Variants in CDKL2 observed in about 807,000 individuals in gnomAD.
CDKL2 encodes cyclin dependent kinase like 2.
A neutral mutation model predicts 63.9 loss-of-function variants in CDKL2; 64 were observed. The ratio of observed to expected loss-of-function variants is 1.00; its 90% CI spans 0.82 to 1.23. CDKL2 has a LOEUF of 1.23. CDKL2 is among the 50% of genes most tolerant of loss of function. The probability of loss-of-function intolerance (pLI) is 0.00; values close to 1 mark genes in which losing one functional copy is unlikely to be tolerated. For missense variants in CDKL2, 656 were observed against 668.0 expected (o/e 0.98, Z 0.20); for synonymous variants, 211 against 229.2 (o/e 0.92, Z 0.72).
At chr4:75,585,742 G>A (rs961475531) in intron 12 of CDKL2, among the ~76,000 whole-genome samples, 7 of 152,140 alleles carry the variant, frequency 4.6e-5, no homozygotes, top group Admixed American at 2.0e-4. Flanking sequence ...GCAACAAAGC[G>A]AGACTCTGTC....
rs1560575704 is a variant in CDKL2 at position 75,592,214 on chromosome 4, C to T, written c.1472G>A (p.Arg491Lys). The change falls in exon 11 of 14, where the codon AGG becomes AAG. Residue 491 changes from arginine to lysine, a missense_variant. Transcript: ENST00000307465. ...TAGTTCAGGCAAACGGACATCTGTC[C>T]TGGAGTATTCTCTTCTTTTCTTACT... ...WASKKRREYS[R>K]TDVRLPELNY... is the part of the protein sequence containing the mutation. 2 of 1,534,824 alleles carry T rather than the reference C, an allele frequency of 1.3e-6. No homozygotes were observed. Among genetic ancestry groups the T allele is most frequent in the African/African-American group, 1.4e-5 (1 of 72,948 alleles).
Position 75,597,099 on chromosome 4 carries a change from GT to G in CDKL2, c.1157del (p.Asn386ThrfsTer3), listed in dbSNP as rs1175970205. Reference protein sequence around the residue: ...SCLHDSRTSHNKIVPSTSLKD... With the variant: ...SCLHDSRTSHXKIVPSTSLKD... Reference sequence around the variant, plus strand: ...TGAGGCTTGTTGAAGGCACTATTTTGTTGTGGCTTGTCCTACTGTCATGGAG... The same window carrying G: ...TGAGGCTTGTTGAAGGCACTATTTTGTGTGGCTTGTCCTACTGTCATGGAG... On this transcript the variant is annotated frameshift_variant, in exon 9 of 14. Coordinates refer to ENST00000307465, the MANE Select transcript of CDKL2 (RefSeq NM_001330724.2). LOFTEE classifies it high-confidence loss of function. The G allele has an allele frequency of 6.2e-7, 1 of 1,614,166 alleles. No homozygotes were observed. The highest frequency in any genetic ancestry group is 8.5e-7 in the Non-Finnish European group (1 of 1,180,026).
At chr4:75,607,486 T>C (rs1729471958) in intron 3 of CDKL2, 125 bp from the exon 4 acceptor site, 2 of 673,660 alleles carry the variant, frequency 3.0e-6, no homozygotes, top group Non-Finnish European at 4.7e-6. Flanking sequence ...AAGTTGCTCC[T>C]AGCCCTCAAC....
At chr4:75,596,205 G>A (rs1728925392) in intron 10 of CDKL2, 42 bp downstream of exon 10, 1 of 1,102,122 alleles carries the variant, frequency 9.1e-7, no homozygotes, top group Non-Finnish European at 1.4e-6. Context: ...GTCTAGAGCT[G>A]ACTGGTGTTT....
At position 75,596,264 on chromosome 4, in the gene CDKL2, T is replaced by A; in HGVS notation, c.1399A>T (p.Ile467Phe). 6.2e-7 allele frequency: 1 copy of A among 1,606,378 alleles called. No individual in the cohort carries two copies. Among genetic ancestry groups the A allele is most frequent in the African/African-American group, 1.3e-5 (1 of 74,912 alleles). ...TTACTTACTAATGTGGTCACATTAA[T>A]GTTATAAATGCCTGATGGGGAATGT... is the stretch of plus-strand genomic sequence containing the variant. Reference protein sequence around the residue: ...NRHSPSGIYNINVTTLVSSEK... With the variant: ...NRHSPSGIYNFNVTTLVSSEK... The change falls in exon 10 of 14, where the codon ATT (isoleucine) becomes TTT (phenylalanine). Residue 467 changes from isoleucine to phenylalanine, a missense_variant. Transcript: ENST00000307465.
At chr4:75,598,346 C>T in intron 7 of CDKL2, 134 bp from the exon 8 acceptor site, 1 of 472,016 alleles carries the variant, frequency 2.1e-6, no homozygotes, top group Non-Finnish European at 3.6e-6. Flanking sequence ...AAAATCCTGG[C>T]CTAGATCAGC....
chr4:75,596,275 C>T lies in CDKL2; in HGVS notation c.1388G>A (p.Gly463Asp). 2.5e-6 allele frequency: 4 copies of T among 1,611,286 alleles called. No homozygotes were observed. The highest frequency in any genetic ancestry group is 3.4e-6 in the Non-Finnish European group (4 of 1,177,496). The change falls in exon 10 of 14, where the codon GGC (glycine) becomes GAC (aspartate). Residue 463 changes from glycine (G) to aspartate (D), a missense_variant. Coordinates refer to ENST00000307465, the MANE Select transcript of CDKL2 (RefSeq NM_001330724.2). ...TGTGGTCACATTAATGTTATAAATGCCTGATGGGGAATGTCTGTTCGGTTT... is the reference window on the plus strand; with the variant it reads ...TGTGGTCACATTAATGTTATAAATGTCTGATGGGGAATGTCTGTTCGGTTT... ...FVKPNRHSPS[G>D]IYNINVTTLV...
chr4:75,600,152 AG>A, intron 7 of CDKL2, 128 bp downstream of exon 7: 1 of 602,962 alleles, frequency 1.7e-6, no homozygotes, highest in Non-Finnish European at 3.0e-6. Context: ...ATATGGGGGT[AG>A]AGTGGTAGAT....
chr4:75,596,150 A>G, intron 10 of CDKL2, 97 bp downstream of exon 10: 4 of 729,090 alleles, frequency 5.5e-6, no homozygotes, highest in Middle Eastern at 2.8e-4. Context: ...TGTGTATCCA[A>G]ACAAAATTCT....
chr4:75,611,458 CA>C (rs71203834), intron 3 of CDKL2, among the ~76,000 whole-genome samples: 1,967 of 76,700 alleles, frequency 0.026, 33 homozygotes, highest in African/African-American at 0.073. Flanking sequence ...GATTCTGTCT[CA>C]AAAAAAAAAA....
intron 8 of CDKL2, 64 bp downstream of exon 8, chr4:75,598,013 T>G: frequency 2.6e-6 from 3 of 1,139,800 alleles, no homozygotes; most frequent in Non-Finnish European, 3.6e-6. Context: ...AAAATCATAT[T>G]TTTTCTCAAA....
intron 12 of CDKL2, among the ~76,000 whole-genome samples, chr4:75,584,907 A>G (rs959174949): frequency 1.3e-5 from 2 of 152,234 alleles, no homozygotes; most frequent in Admixed American, 6.5e-5. Flanking sequence ...AAGTGCAGAA[A>G]GCAAAACTAT....
intron 1 of CDKL2, among the ~76,000 whole-genome samples, chr4:75,628,200 C>A (rs1046940889): frequency 6.6e-6 from 1 of 151,336 alleles, no homozygotes; most frequent in Non-Finnish European, 1.5e-5. Context: ...ACTGCAAACT[C>A]CGCCTCCCGG....
intron 2 of CDKL2, among the ~76,000 whole-genome samples, chr4:75,624,675 T>C (rs186274866): frequency 6.8e-6 from 1 of 147,492 alleles, no homozygotes; most frequent in African/African-American, 2.5e-5. Context: ...ATGGTGCAAC[T>C]CCGTCTCTAC....
intron 7 of CDKL2, 85 bp from the exon 8 acceptor site, chr4:75,598,297 A>C (rs1345267229): frequency 8.9e-6 from 7 of 787,822 alleles, no homozygotes; most frequent in African/African-American, 1.8e-5. Flanking sequence ...ATTTTTTAAA[A>C]ATTGAATGTT....
At chr4:75,617,846 T>C (rs905148922) in intron 2 of CDKL2, among the ~76,000 whole-genome samples, 2 of 152,168 alleles carry the variant, frequency 1.3e-5, no homozygotes, top group Admixed American at 6.5e-5. Flanking sequence ...CTCATGCCTG[T>C]AATCCCAGCA....
Position 75,625,723 on chromosome 4 carries a change from G to C in CDKL2, c.168+98C>G, listed in dbSNP as rs541307811. Reference sequence around the variant, plus strand: ...TTTAAAATCAGGTTTACATTCACCAGATAAATGAATTTGCATATCTAATCA... The same window carrying C: ...TTTAAAATCAGGTTTACATTCACCACATAAATGAATTTGCATATCTAATCA... On this transcript the variant is annotated intron_variant, in intron 2 of 13. Coordinates refer to ENST00000307465, the MANE Select transcript of CDKL2 (RefSeq NM_001330724.2). The C allele has an allele frequency of 5.6e-5, 45 of 807,404 alleles. No homozygotes were observed. In the East Asian group the frequency reaches 1.1e-3, roughly 19 times the overall value. 50.0% of individuals were successfully genotyped at this position (807,404 alleles called of 1,614,324 possible).
intron 3 of CDKL2, among the ~76,000 whole-genome samples, chr4:75,612,030 G>A (rs1348152089): frequency 2.0e-5 from 3 of 152,102 alleles, no homozygotes; most frequent in Non-Finnish European, 2.9e-5. Context: ...GAGGGCAGTG[G>A]CACGATCTCA....
At chr4:75,606,247 C>G (rs554959959) in intron 4 of CDKL2, among the ~76,000 whole-genome samples, 34 of 148,602 alleles carry the variant, frequency 2.3e-4, no homozygotes, top group Non-Finnish European at 4.4e-4. Flanking sequence ...CAGAATCTCA[C>G]TCTGTCGCCC....
Sources: gnomAD v4.1 joint callset for allele counts (sites outside exome capture counted in the v4.1 genomes callset) on GRCh38, gnomAD v4.1.1 for gene constraint, MANE v1.5 for transcripts, NCBI Gene and HGNC (gene_info 2026-07-23, HGNC 2026-07-21) for gene names.